NBEA: variants seen among roughly 807,000 people sequenced by gnomAD.
NBEA encodes neurobeachin.
In NBEA, 44 loss-of-function variants were observed where a neutral mutation model predicts 343.4. The observed-to-expected ratio is 0.13, with a 90% CI of 0.10 to 0.16. The LOEUF is 0.16. Ranked by LOEUF, NBEA falls within the 10% of genes least tolerant of loss-of-function variation. NBEA has a pLI of 1.00. For missense variants in NBEA, 2,555 were observed against 3,631.3 expected (o/e 0.70, Z 7.62); for synonymous variants, 1,175 against 1,238.7 (o/e 0.95, Z 1.08).
intron 43 of NBEA, among the ~76,000 whole-genome samples, chr13:35,554,381 C>A (rs1387333144): frequency 1.3e-5 from 2 of 152,192 alleles, no homozygotes; most frequent in Non-Finnish European, 2.9e-5. Context: ...CACATTGAAC[C>A]TGGAAAGTTT....
chr13:35,245,544 A>C (rs1309124614), intron 34 of NBEA, among the ~76,000 whole-genome samples: 1 of 152,112 alleles, frequency 6.6e-6, no homozygotes, highest in Admixed American at 6.6e-5. Flanking sequence ...TCATTTATGA[A>C]GATTAGTTTC....
chr13:35,408,856 C>T (rs1227052417), intron 38 of NBEA, among the ~76,000 whole-genome samples: 1 of 152,098 alleles, frequency 6.6e-6, no homozygotes, highest in Non-Finnish European at 1.5e-5. Flanking sequence ...ACAACAGATG[C>T]TGGTGAGGTA....
intron 51 of NBEA, among the ~76,000 whole-genome samples, chr13:35,647,292 C>G (rs540275397): frequency 6.6e-6 from 1 of 151,980 alleles, no homozygotes; most frequent in East Asian, 1.9e-4. Flanking sequence ...GGTAAAAATG[C>G]GTTCACAAGA....
intron 10 of NBEA, among the ~76,000 whole-genome samples, chr13:35,096,600 G>A (rs542493259): frequency 7.2e-5 from 11 of 151,820 alleles, no homozygotes; most frequent in African/African-American, 1.9e-4. Context: ...ATTTCTAGTC[G>A]TTCTTTTTGG....
chr13:35,223,024 C>T (rs1038807629), intron 33 of NBEA, among the ~76,000 whole-genome samples: 10 of 152,012 alleles, frequency 6.6e-5, no homozygotes, highest in Middle Eastern at 3.4e-3. Context: ...CCAGCTACTC[C>T]GGAGTCTGAG....
rs1268183212 is a variant in NBEA at position 35,306,986 on chromosome 13, T to C, written c.5839-2542T>C. On this transcript the variant is annotated intron_variant, in intron 35 of 58. Coordinates refer to ENST00000379939, the MANE Select transcript of NBEA (RefSeq NM_001385012.1). ...TTCTGAATTTCACATTCTTTTTTGA[T>C]ATACCATTGCCACTGTAAATCCAAC... is the stretch of plus-strand genomic sequence containing the variant. Among the ~76,000 whole-genome samples, 4 of 152,194 alleles carry C rather than the reference T, an allele frequency of 2.6e-5. 1 individual carries two copies. The highest frequency in any genetic ancestry group is 9.6e-5 in the African/African-American group (4 of 41,562).
rs1428374888 is a variant in NBEA at position 35,155,837 on chromosome 13, G to C, written c.2509G>C (p.Val837Leu). 1 of 1,611,922 alleles carries C rather than the reference G, an allele frequency of 6.2e-7. No individual in the cohort carries two copies. Among genetic ancestry groups the C allele is most frequent in the Admixed American group, 1.7e-5 (1 of 59,998 alleles). ...HKPHPEPDST[V>L]KIQNPMILKV... ...ACCACATCCAGAGCCAGATTCTACA[G>C]TGAAAATTCAGAATCCAAGTGAGCA... is the stretch of plus-strand genomic sequence containing the variant. Residue 837 changes from valine (V) to leucine (L), a missense_variant, in exon 19 of 59, where the codon GTG becomes CTG. Around this residue, in one of 21 missense-constraint regions of NBEA, gnomAD observed 360 missense variants for 519.1 expected, o/e 0.69. Coordinates refer to ENST00000379939, the MANE Select transcript of NBEA (RefSeq NM_001385012.1).
intron 11 of NBEA, among the ~76,000 whole-genome samples, chr13:35,108,254 T>C (rs927480814): frequency 2.3e-4 from 35 of 152,058 alleles, no homozygotes; most frequent in Admixed American, 1.2e-3. Context: ...ATAGTGATAC[T>C]ACAAAATAGT....
intron 41 of NBEA, among the ~76,000 whole-genome samples, chr13:35,504,780 T>A (rs2077012067): frequency 6.6e-6 from 1 of 152,018 alleles, no homozygotes; most frequent in Non-Finnish European, 1.5e-5. Context: ...CTAATTTTCT[T>A]ATTTTTTTGT....
At chr13:35,130,213 A>T (rs1407972237) in intron 17 of NBEA, among the ~76,000 whole-genome samples, 2 of 152,102 alleles carry the variant, frequency 1.3e-5, no homozygotes, top group African/African-American at 4.8e-5. Flanking sequence ...CTGAGAACCT[A>T]AAACTGCTCT....
intron 38 of NBEA, among the ~76,000 whole-genome samples, chr13:35,364,662 A>G (rs2041002684): frequency 1.3e-5 from 2 of 151,830 alleles, no homozygotes; most frequent in Non-Finnish European, 2.9e-5. Context: ...TCAGGAGATT[A>G]TGAAACTAAA....
At chr13:35,083,662 T>G (rs1421943335) in intron 10 of NBEA, among the ~76,000 whole-genome samples, 1 of 152,008 alleles carries the variant, frequency 6.6e-6, no homozygotes, top group Admixed American at 6.6e-5. Context: ...ACATGCCAAA[T>G]TGTAAAGACC....
intron 33 of NBEA, among the ~76,000 whole-genome samples, chr13:35,229,699 T>A (rs189344213): frequency 6.6e-6 from 1 of 152,148 alleles, no homozygotes; most frequent in Non-Finnish European, 1.5e-5. Context: ...ATAGCCACAA[T>A]ATGTCTTTTT....
intron 41 of NBEA, among the ~76,000 whole-genome samples, chr13:35,489,084 T>G (rs1164749106): frequency 6.6e-6 from 1 of 151,864 alleles, no homozygotes; most frequent in Non-Finnish European, 1.5e-5. Context: ...TTGCCAAGTT[T>G]TTTTTTTAAT....
At chr13:35,507,684 T>C (rs187156483) in intron 41 of NBEA, among the ~76,000 whole-genome samples, 1 of 152,314 alleles carries the variant, frequency 6.6e-6, no homozygotes, top group Non-Finnish European at 1.5e-5. Flanking sequence ...CAAGTCACAT[T>C]ATCTCTACTT....
At position 35,157,165 on chromosome 13, in the gene NBEA, C is replaced by G. The variant is rs547273836; in HGVS notation, c.2739C>G (p.Thr913=). Residue 913 remains threonine, a synonymous_variant, in exon 21 of 59, where the codon ACC becomes ACG. Coordinates refer to ENST00000379939, the MANE Select transcript of NBEA (RefSeq NM_001385012.1). ...NPKNSEEQKI[T]EMVYNIFRIL... The stretch of plus-strand genomic sequence containing the variant: ...AAAATTCTGAGGAACAGAAGATTAC[C>G]GAAATGGTCTACAATATCTTCCGGA... 1 of 1,609,398 alleles carries G rather than the reference C, an allele frequency of 6.2e-7. No homozygotes were observed. Among genetic ancestry groups the G allele is most frequent in the Non-Finnish European group, 8.5e-7 (1 of 1,177,464 alleles).
chr13:35,408,498 A>G (rs942272077), intron 38 of NBEA, among the ~76,000 whole-genome samples: 1 of 152,206 alleles, frequency 6.6e-6, no homozygotes, highest in Non-Finnish European at 1.5e-5. Context: ...ACAAAAGCAA[A>G]TATTGACAAA....
intron 38 of NBEA, among the ~76,000 whole-genome samples, chr13:35,394,914 A>G (rs1404564025): frequency 6.6e-6 from 1 of 152,112 alleles, no homozygotes; most frequent in Admixed American, 6.6e-5. Context: ...TTCCTTCTAC[A>G]CACTGCCTTA....
At chr13:35,323,959 C>T (rs543934572) in intron 36 of NBEA, among the ~76,000 whole-genome samples, 14 of 152,200 alleles carry the variant, frequency 9.2e-5, no homozygotes, top group African/African-American at 3.1e-4. Context: ...TCATTGCATA[C>T]AAAAGCCAGT....
Sources: allele counts gnomAD v4.1 joint callset (sites outside exome capture counted in the v4.1 genomes callset), GRCh38; gene constraint gnomAD v4.1.1; regional missense constraint gnomAD v4.1.1; transcripts MANE v1.5; gene names NCBI Gene and HGNC (gene_info 2026-07-23, HGNC 2026-07-21).